The following MMP16 variants were observed in gnomAD, a reference collection of about 807,000 sequenced individuals.
MMP16 encodes the protein matrix metalloproteinase-16.
A neutral mutation model predicts 67.8 loss-of-function variants in MMP16; 12 were observed. The ratio of observed to expected loss-of-function variants is 0.18; its 90% CI spans 0.11 to 0.29. The LOEUF (loss-of-function observed/expected upper bound fraction) is 0.29. MMP16 is among the 10% of genes least tolerant of loss of function. MMP16 has a pLI of 1.00. For synonymous variants in MMP16, 249 were observed against 255.9 expected, an observed-to-expected ratio of 0.97 and a Z score of 0.26; for missense variants, 475 against 765.7, an observed-to-expected ratio of 0.62 and a Z score of 4.48.
intron 1 of MMP16, among the ~76,000 whole-genome samples, chr8:88,254,504 A>T (rs1810272890): frequency 1.3e-5 from 2 of 152,082 alleles, no homozygotes; most frequent in Admixed American, 1.3e-4. Flanking sequence ...TCCTGCCTCA[A>T]ACTCCCAACA....
chr8:88,079,530 T>C (rs948059409), intron 6 of MMP16, among the ~76,000 whole-genome samples: 1 of 152,156 alleles, frequency 6.6e-6, no homozygotes, highest in Non-Finnish European at 1.5e-5. Context: ...AACTGTACTT[T>C]AAATGTTCTT....
intron 7 of MMP16, among the ~76,000 whole-genome samples, chr8:88,066,445 C>T (rs1404953541): frequency 6.6e-6 from 1 of 151,934 alleles, no homozygotes; most frequent in Non-Finnish European, 1.5e-5. Flanking sequence ...ATTTCTGGGT[C>T]TCTCTAAATA....
At chr8:88,244,925 A>C (rs1810089984) in intron 1 of MMP16, among the ~76,000 whole-genome samples, 1 of 152,148 alleles carries the variant, frequency 6.6e-6, no homozygotes, top group South Asian at 2.1e-4. Context: ...TTTTGGGTCA[A>C]ACCTATGTCT....
At chr8:88,091,610 T>C (rs903245447) in intron 6 of MMP16, among the ~76,000 whole-genome samples, 2 of 151,796 alleles carry the variant, frequency 1.3e-5, no homozygotes, top group Admixed American at 1.3e-4. Context: ...TTAATCAATG[T>C]ATTTCCAATT....
chr8:88,047,387 A>G (rs1808212654), intron 8 of MMP16, among the ~76,000 whole-genome samples: 1 of 152,224 alleles, frequency 6.6e-6, no homozygotes, highest in African/African-American at 2.4e-5. Flanking sequence ...CAATTTATCA[A>G]TAAATACATA....
intron 4 of MMP16, among the ~76,000 whole-genome samples, chr8:88,134,732 C>T (rs1415242587): frequency 1.3e-5 from 2 of 151,440 alleles, no homozygotes; most frequent in Non-Finnish European, 3.0e-5. Context: ...GTTCTTTGTA[C>T]CCATCCCTTA....
At chr8:88,148,516 T>C (rs914217359) in intron 4 of MMP16, among the ~76,000 whole-genome samples, 13 of 152,198 alleles carry the variant, frequency 8.5e-5, no homozygotes, top group Non-Finnish European at 8.8e-5. Flanking sequence ...TATCATTTTG[T>C]CCACATCCAA....
chr8:88,041,889 A>G lies in MMP16; in HGVS notation c.1490-94T>C. 1 of 950,490 alleles carries G rather than the reference A, an allele frequency of 1.1e-6. No individual in the cohort carries two copies. Among genetic ancestry groups the G allele is most frequent in the African/African-American group, 1.7e-5 (1 of 60,516 alleles). 58.9% of individuals were successfully genotyped at this position (950,490 alleles called of 1,614,324 possible). The stretch of plus-strand genomic sequence containing the variant: ...ACTAAAATAGGCTATGTCTTAAGAG[A>G]TGTATTTTAAGGCCCTTTAATTTTC... On this transcript the variant is annotated intron_variant, in intron 9 of 9. Transcript: ENST00000286614. This position sits in a 1 kb window ranked among gnomAD's most constrained non-coding sequence, Gnocchi z 6.0.
intron 3 of MMP16, among the ~76,000 whole-genome samples, chr8:88,181,150 C>T (rs1288392648): frequency 2.0e-5 from 3 of 151,844 alleles, no homozygotes; most frequent in Admixed American, 6.6e-5. Context: ...GTTCTTACCA[C>T]TCCTACTCAA....
At chr8:88,326,868 T>C (rs1811547344) in intron 1 of MMP16, 1 of 533,304 alleles carries the variant, frequency 1.9e-6, no homozygotes, top group Admixed American at 3.2e-5. Flanking sequence ...CATCGTGCTT[T>C]GTGCTGCCGG....
intron 6 of MMP16, among the ~76,000 whole-genome samples, chr8:88,108,033 A>C (rs1419584552): frequency 6.6e-6 from 1 of 151,130 alleles, no homozygotes; most frequent in Admixed American, 6.6e-5. Context: ...ATGTGGGTGG[A>C]ATATGAAACT....
intron 6 of MMP16, among the ~76,000 whole-genome samples, chr8:88,105,287 T>C (rs550174677): frequency 2.0e-5 from 3 of 151,688 alleles, no homozygotes; most frequent in Admixed American, 6.6e-5. Context: ...GCAGTAGATA[T>C]CTTTGTTCAT....
At chr8:88,202,358 C>G (rs1358645727) in intron 1 of MMP16, among the ~76,000 whole-genome samples, 1 of 152,086 alleles carries the variant, frequency 6.6e-6, no homozygotes, top group Non-Finnish European at 1.5e-5. Context: ...ATGATAGAAG[C>G]CAATTACTTA....
chr8:88,256,772 C>T (rs1810308988), intron 1 of MMP16, among the ~76,000 whole-genome samples: 1 of 151,916 alleles, frequency 6.6e-6, no homozygotes, highest in East Asian at 1.9e-4. Context: ...TGGTTTATAA[C>T]CCTCCTAGCA....
At chr8:88,207,506 A>C (rs1563562407) in intron 1 of MMP16, among the ~76,000 whole-genome samples, 1 of 152,176 alleles carries the variant, frequency 6.6e-6, no homozygotes, top group Non-Finnish European at 1.5e-5. Context: ...ACCTTGAATA[A>C]TACCATGGAA....
chr8:88,148,781 C>T (rs1025694010), intron 4 of MMP16, among the ~76,000 whole-genome samples: 2 of 145,132 alleles, frequency 1.4e-5, no homozygotes, highest in African/African-American at 4.9e-5. Context: ...AGTAACCATT[C>T]CAAGAGTTTT....
chr8:88,154,702 C>G (rs926031191), intron 4 of MMP16, among the ~76,000 whole-genome samples: 1 of 147,020 alleles, frequency 6.8e-6, no homozygotes, highest in Non-Finnish European at 1.5e-5. Flanking sequence ...GAATATCACA[C>G]TCTGGGGACT....
At chr8:88,216,505 A>G (rs1234166733) in intron 1 of MMP16, among the ~76,000 whole-genome samples, 4 of 152,144 alleles carry the variant, frequency 2.6e-5, no homozygotes, top group African/African-American at 9.6e-5. Context: ...TTTCTCAAAA[A>G]TATTTTTCAT....
intron 1 of MMP16, among the ~76,000 whole-genome samples, chr8:88,311,540 C>T (rs1811294533): frequency 6.6e-6 from 1 of 152,028 alleles, no homozygotes; most frequent in African/African-American, 2.4e-5. Context: ...TAAAACAATG[C>T]CACCTTTCTT....
Sources: allele counts gnomAD v4.1 joint callset (sites outside exome capture counted in the v4.1 genomes callset), GRCh38; gene constraint gnomAD v4.1.1; non-coding constraint Gnocchi (gnomAD v3.1); transcripts MANE v1.5; gene names NCBI Gene and HGNC (gene_info 2026-07-23, HGNC 2026-07-21).